Variants in SCNN1B observed in about 807,000 individuals in gnomAD.
The protein encoded by SCNN1B is epithelial sodium channel subunit beta.
In SCNN1B, 46 loss-of-function variants were observed where a neutral mutation model predicts 65.3. The observed-to-expected ratio is 0.70, with a 90% CI of 0.56 to 0.90. SCNN1B has a LOEUF of 0.90. Among genes scored for constraint, SCNN1B ranks in the 40% least tolerant of loss-of-function variants. The pLI, the probability that SCNN1B is intolerant of heterozygous loss-of-function variation, is 0.00. For synonymous variants in SCNN1B, 349 were observed against 330.6 expected, an observed-to-expected ratio of 1.06 and a Z score of -0.60; for missense variants, 751 against 830.5, an observed-to-expected ratio of 0.90 and a Z score of 1.18.
chr16:23,346,200 C>CTTTTTTTTTTTTTTTTTTTTTTTTTTT lies in SCNN1B; in HGVS notation c.-8-2389_-8-2363dup, dbSNP rs753802362. Among the ~76,000 whole-genome samples, 8 of 78,012 alleles carry CTTTTTTTTTTTTTTTTTTTTTTTTTTT rather than the reference C, an allele frequency of 1.0e-4. 1 individual carries two copies. Among genetic ancestry groups the CTTTTTTTTTTTTTTTTTTTTTTTTTTT allele is most frequent in the Admixed American group, 1.5e-4 (1 of 6,474 alleles). 51.2% of individuals were successfully genotyped at this position (78,012 alleles called of 152,430 possible). ...CCATGGAACACCCTTTTTTCCTTTT[C>CTTTTTTTTTTTTTTTTTTTTTTTTTTT]TTTTTTTTTTTTTTTTTTTTTTTTT... is the stretch of plus-strand genomic sequence containing the variant. On this transcript the variant is annotated intron_variant, in intron 1 of 12. Coordinates refer to ENST00000343070, the MANE Select transcript of SCNN1B (RefSeq NM_000336.3).
rs778004426 is a variant in SCNN1B, at chr16:23,348,872, C to A, written c.273C>A (p.Asp91Glu). The change falls in exon 2 of 13, where the codon GAC (aspartate) becomes GAA (glutamate). Residue 91 changes from aspartate to glutamate, a missense_variant. Physicochemically the swap from Asp to Glu is conservative, Grantham distance 45. Transcript: ENST00000343070. This position sits in a 1 kb window ranked among gnomAD's most constrained non-coding sequence, Gnocchi z 4.5. ...VSLSVGFKTMDFPAVTICNAS... is the reference protein window; with the variant it reads ...VSLSVGFKTMEFPAVTICNAS... ...TCTCCGTAGGCTTCAAGACCATGGA[C>A]TTCCCTGCCGTCACCATCTGCAATG... 8.7e-6 allele frequency: 14 copies of A among 1,614,118 alleles called. No individual in the cohort carries two copies. The highest frequency in any genetic ancestry group is 1.2e-5 in the Non-Finnish European group (14 of 1,180,012).
Position 23,293,774 on chromosome 16 carries a change from T to C in SCNN1B, n.178+9970T>C, listed in dbSNP as rs765633299. Among the ~76,000 whole-genome samples the C allele has an allele frequency of 3.1e-4, 47 of 151,456 alleles. 1 individual carries two copies. The highest frequency in any genetic ancestry group is 7.2e-4 in the Admixed American group (11 of 15,212). ...AGACCCCTTCTCTACAAAAAAAAAA[T>C]TAGCCTGGCATGGTGGCATGCACCT... On this transcript the variant is annotated intron_variant and non_coding_transcript_variant, in intron 2 of 3. Coordinates refer to the SCNN1B transcript ENST00000569789.
At chr16:23,298,157 C>A (rs148364623), upstream of SCNN1B, among the ~76,000 whole-genome samples, 142 of 152,196 alleles carry the variant, frequency 9.3e-4, no homozygotes, top group African/African-American at 3.2e-3. Context: ...CCTCCCAAAC[C>A]AGTCATTAAC....
intron 8 of SCNN1B, among the ~76,000 whole-genome samples, chr16:23,376,576 T>C (rs761607561): frequency 6.6e-6 from 1 of 151,818 alleles, no homozygotes; most frequent in African/African-American, 2.4e-5. Flanking sequence ...CAATTGGAGC[T>C]GGGGCCTGGG....
At chr16:23,310,237 G>T (rs1237386945) in intron 1 of SCNN1B, among the ~76,000 whole-genome samples, 1 of 131,670 alleles carries the variant, frequency 7.6e-6, no homozygotes, top group African/African-American at 2.9e-5. Flanking sequence ...ATAATAAAAG[G>T]CCTTCAAGAT....
At position 23,348,842 on chromosome 16, in the gene SCNN1B, C is replaced by T; in HGVS notation, c.243C>T (p.Val81=). The change falls in exon 2 of 13, where the codon GTC becomes GTT. Residue 81 remains valine, a synonymous_variant. Coordinates refer to ENST00000343070, the MANE Select transcript of SCNN1B (RefSeq NM_000336.3). The surrounding 1 kb of genome is among the most constrained non-coding windows in gnomAD (Gnocchi z 4.5). The part of the protein sequence containing the change: ...IRTYLSWEVS[V]SLSVGFKTMD... Reference sequence around the variant, plus strand: ...CCTACTTGAGCTGGGAGGTCAGCGTCTCCCTCTCCGTAGGCTTCAAGACCA... The same window carrying T: ...CCTACTTGAGCTGGGAGGTCAGCGTTTCCCTCTCCGTAGGCTTCAAGACCA... The T allele has an allele frequency of 6.2e-7, 1 of 1,614,186 alleles. No homozygotes were observed. Among genetic ancestry groups the T allele is most frequent in the Non-Finnish European group, 8.5e-7 (1 of 1,180,024 alleles).
intron 1 of SCNN1B, among the ~76,000 whole-genome samples, chr16:23,335,691 C>G (rs1039202375): frequency 1.3e-5 from 2 of 152,066 alleles, no homozygotes; most frequent in Admixed American, 1.3e-4. Flanking sequence ...AGGTAATCCA[C>G]CTGCCTCAGC....
intron 1 of SCNN1B, among the ~76,000 whole-genome samples, chr16:23,303,453 T>C (rs757705557): frequency 2.9e-4 from 44 of 152,216 alleles, no homozygotes; most frequent in Non-Finnish European, 5.7e-4. Context: ...AGCTGTGTAA[T>C]TCCATGCAGA....
At chr16:23,292,519 T>G (rs1018335860) in intron 2 of SCNN1B, among the ~76,000 whole-genome samples, 3 of 151,534 alleles carry the variant, frequency 2.0e-5, no homozygotes, top group African/African-American at 7.3e-5. Context: ...TTTTTATTTC[T>G]TTGAGACACG....
intron 1 of SCNN1B, among the ~76,000 whole-genome samples, chr16:23,314,425 T>C (rs1309638040): frequency 6.6e-5 from 10 of 152,116 alleles, no homozygotes; most frequent in Admixed American, 6.5e-4. Context: ...AAACAGGTAA[T>C]GTAATTGTCT....
intron 11 of SCNN1B, among the ~76,000 whole-genome samples, chr16:23,379,543 T>C (rs552517729): frequency 1.6e-4 from 25 of 152,224 alleles, no homozygotes; most frequent in Non-Finnish European, 3.5e-4. Context: ...CTGGAAAGCC[T>C]GGAGGCACGA....
intron 5 of SCNN1B, among the ~76,000 whole-genome samples, chr16:23,369,498 G>A (rs533917976): frequency 1.6e-3 from 244 of 152,248 alleles, no homozygotes; most frequent in African/African-American, 4.8e-3. Flanking sequence ...CTCATGTGTT[G>A]CACTGACCCC....
upstream of SCNN1B, among the ~76,000 whole-genome samples, chr16:23,298,288 A>T (rs1961025692): frequency 1.3e-5 from 2 of 152,200 alleles, no homozygotes; most frequent in Non-Finnish European, 2.9e-5. Context: ...TTCATTCAGG[A>T]AGGAATTCAA....
At chr16:23,287,806 G>A (rs912327157) in intron 2 of SCNN1B, among the ~76,000 whole-genome samples, 6 of 137,616 alleles carry the variant, frequency 4.4e-5, no homozygotes, top group African/African-American at 1.2e-4. Context: ...ACTAAGTAGC[G>A]TTTCCTTTTT....
intron 2 of SCNN1B, among the ~76,000 whole-genome samples, chr16:23,286,855 G>A (rs1267921017): frequency 6.6e-6 from 1 of 152,174 alleles, no homozygotes; most frequent in Admixed American, 6.5e-5. Flanking sequence ...ACTTTGGGAG[G>A]CTGAGGCAGG....
intron 3 of SCNN1B, among the ~76,000 whole-genome samples, chr16:23,354,158 C>T (rs898248773): frequency 2.6e-5 from 4 of 152,228 alleles, no homozygotes; most frequent in Non-Finnish European, 5.9e-5. Flanking sequence ...GCTGTGGTCA[C>T]ACCTTCCTTA....
At chr16:23,291,711 A>G (rs1378658147) in intron 2 of SCNN1B, among the ~76,000 whole-genome samples, 1 of 149,914 alleles carries the variant, frequency 6.7e-6, no homozygotes, top group Non-Finnish European at 1.5e-5. Flanking sequence ...AGTACCTGAG[A>G]CCACAGGCAC....
chr16:23,279,477 T>G (rs1960754565), intron 1 of SCNN1B, among the ~76,000 whole-genome samples: 1 of 152,178 alleles, frequency 6.6e-6, no homozygotes, highest in South Asian at 2.1e-4. Context: ...TGTTCAGTGC[T>G]GGATAATTCT....
chr16:23,335,774 A>T (rs1961925689), intron 1 of SCNN1B, among the ~76,000 whole-genome samples: 1 of 151,784 alleles, frequency 6.6e-6, no homozygotes, highest in Non-Finnish European at 1.5e-5. Flanking sequence ...ACATAAATGC[A>T]TGTGTGCTTC....
Sources: gnomAD v4.1 joint callset for allele counts (sites outside exome capture counted in the v4.1 genomes callset) on GRCh38, gnomAD v4.1.1 for gene constraint, Gnocchi (gnomAD v3.1) non-coding constraint, MANE v1.5 for transcripts, NCBI Gene and HGNC (gene_info 2026-07-23, HGNC 2026-07-21) for gene names.